The following PRKN variants were observed in gnomAD, a reference collection of about 807,000 sequenced individuals.
The protein encoded by PRKN is E3 ubiquitin-protein ligase parkin.
In PRKN, 56 loss-of-function variants were observed where a neutral mutation model predicts 59.5. The observed-to-expected ratio is 0.94, with a 90% confidence interval of 0.76 to 1.18. The LOEUF (loss-of-function observed/expected upper bound fraction) is 1.18, where lower values mean the gene tolerates loss of function less well. Ranked by LOEUF, PRKN falls within the 50% of genes most tolerant of loss-of-function variation. The pLI, the probability that PRKN is intolerant of heterozygous loss-of-function variation, is 0.00. For synonymous variants in PRKN, 250 were observed against 222.1 expected (o/e 1.13, Z -1.12); for missense variants, 657 against 596.4 (o/e 1.10, Z -1.06).
rs141211369 is a variant in PRKN, at chr6:162,441,427, A to G, written c.171+1883T>C. The stretch of plus-strand genomic sequence containing the variant: ...CCTATTCCTCCATCTACAGAATCCT[A>G]CCTCAACTCAATTCATCCAAGAAGT... On this transcript the variant is annotated intron_variant, in intron 2 of 11. Coordinates refer to ENST00000366898, the MANE Select transcript of PRKN (RefSeq NM_004562.3). Among the ~76,000 whole-genome samples, 255 of 152,240 alleles carry G rather than the reference A, an allele frequency of 1.7e-3. 1 individual carries two copies. Among genetic ancestry groups the G allele is most frequent in the African/African-American group, 5.8e-3 (243 of 41,540 alleles).
At chr6:162,042,115 ATATTTGCTT>A (rs1784088736) in intron 5 of PRKN, among the ~76,000 whole-genome samples, 1 of 152,010 alleles carries the variant, frequency 6.6e-6, no homozygotes, top group Admixed American at 6.6e-5. Flanking sequence ...TTCTCCATTT[ATATTTGCTT>A]TTATTTGAAT....
intron 4 of PRKN, among the ~76,000 whole-genome samples, chr6:162,197,346 T>C (rs925187018): frequency 1.3e-5 from 2 of 152,182 alleles, no homozygotes; most frequent in Non-Finnish European, 2.9e-5. Flanking sequence ...TATTGAAAAA[T>C]TGAAACATCT....
rs1777630650 is a variant in PRKN at position 162,687,881 on chromosome 6, A to G, written c.7+39781T>C. Among the ~76,000 whole-genome samples, 2 of 152,204 alleles carry G rather than the reference A, an allele frequency of 1.3e-5. 1 individual carries two copies. The highest frequency in any genetic ancestry group is 4.1e-4 in the South Asian group (2 of 4,830). ...TTACAAACTCCAGCAACAAGTAACT[A>G]TGAATATTAAGATCTTAATTTACAC... On this transcript the variant is annotated intron_variant, in intron 1 of 11. Coordinates refer to ENST00000366898, the MANE Select transcript of PRKN (RefSeq NM_004562.3).
At chr6:162,257,410 G>C (rs1460785548) in intron 3 of PRKN, among the ~76,000 whole-genome samples, 1 of 151,960 alleles carries the variant, frequency 6.6e-6, no homozygotes, top group Non-Finnish European at 1.5e-5. Flanking sequence ...TCTTCAAAAA[G>C]GTCCATTTTA....
rs1780658855 is a variant in PRKN, at chr6:161,566,793, C to T, written c.933+2562G>A. 1.3e-5 allele frequency among the ~76,000 whole-genome samples: 2 copies of T among 152,164 alleles called. No individual in the cohort carries two copies. The highest frequency in any genetic ancestry group is 4.8e-5 in the African/African-American group (2 of 41,440). Reference sequence around the variant, plus strand: ...CTCTGTCCTCCTCCCCTCCCCTCCACCAGTCACACTTGTTTCTGGACTATT... The same window carrying T: ...CTCTGTCCTCCTCCCCTCCCCTCCATCAGTCACACTTGTTTCTGGACTATT... On this transcript the variant is annotated intron_variant, in intron 8 of 11. Coordinates refer to ENST00000366898, the MANE Select transcript of PRKN (RefSeq NM_004562.3). The surrounding 1 kb of genome is among the most constrained non-coding windows in gnomAD (Gnocchi z 4.1).
chr6:161,849,043 A>T (rs1306315654), intron 6 of PRKN, among the ~76,000 whole-genome samples: 1 of 152,206 alleles, frequency 6.6e-6, no homozygotes, highest in Non-Finnish European at 1.5e-5. Context: ...CCCTCGAGGC[A>T]GTTCCAGATG....
intron 2 of PRKN, chr6:162,275,055 TG>T (rs1780569164): frequency 8.0e-6 from 1 of 125,352 alleles, no homozygotes; most frequent in East Asian, 2.7e-4. Context: ...CACTCCAGTC[TG>T]GGCGACAGAG....
chr6:162,324,080 C>T (rs564887365), intron 2 of PRKN, among the ~76,000 whole-genome samples: 2 of 151,834 alleles, frequency 1.3e-5, no homozygotes, highest in South Asian at 2.1e-4. Flanking sequence ...AGATTTACCA[C>T]AGTGTTTACC....
intron 6 of PRKN, among the ~76,000 whole-genome samples, chr6:161,852,548 T>C (rs553858102): frequency 6.6e-6 from 1 of 152,218 alleles, no homozygotes; most frequent in East Asian, 1.9e-4. Flanking sequence ...AATGTTAGGA[T>C]TTCAAGGTAG....
intron 6 of PRKN, among the ~76,000 whole-genome samples, chr6:161,878,229 A>C (rs536776467): frequency 6.6e-6 from 1 of 152,216 alleles, no homozygotes; most frequent in Non-Finnish European, 1.5e-5. Flanking sequence ...GAAAGAAATA[A>C]ATTTTTAAAA....
intron 1 of PRKN, among the ~76,000 whole-genome samples, chr6:162,633,581 G>A (rs970501261): frequency 2.6e-5 from 4 of 151,872 alleles, no homozygotes; most frequent in East Asian, 3.9e-4. Context: ...TTTTCTAGTT[G>A]AGAAATCATG....
chr6:161,881,551 G>A (rs1323686672), intron 6 of PRKN, among the ~76,000 whole-genome samples: 1 of 152,180 alleles, frequency 6.6e-6, no homozygotes, highest in Non-Finnish European at 1.5e-5. Context: ...AAGGGGCCAG[G>A]ACAAATGGGA....
chr6:162,566,989 C>T (rs568307356), intron 1 of PRKN, among the ~76,000 whole-genome samples: 43 of 152,224 alleles, frequency 2.8e-4, no homozygotes, highest in African/African-American at 1.0e-3. Flanking sequence ...TACATCATAT[C>T]AACAGAATGA....
At chr6:162,261,443 AGGT>A (rs1779881262) in intron 3 of PRKN, among the ~76,000 whole-genome samples, 1 of 152,170 alleles carries the variant, frequency 6.6e-6, no homozygotes, top group Non-Finnish European at 1.5e-5. Flanking sequence ...TATTCTCTAG[AGGT>A]GTCAGTGTCA....
chr6:162,591,466 T>A (rs983422234), intron 1 of PRKN, among the ~76,000 whole-genome samples: 3 of 152,174 alleles, frequency 2.0e-5, no homozygotes, highest in African/African-American at 7.2e-5. Flanking sequence ...TCAGGGTATT[T>A]AGGACATCTA....
At chr6:161,762,541 A>G (rs1348681372) in intron 7 of PRKN, among the ~76,000 whole-genome samples, 1 of 152,210 alleles carries the variant, frequency 6.6e-6, no homozygotes, top group African/African-American at 2.4e-5. Flanking sequence ...TGCCTGAACT[A>G]ATATTGTATC....
chr6:161,962,853 T>A (rs1273733899), intron 6 of PRKN, among the ~76,000 whole-genome samples: 1 of 150,848 alleles, frequency 6.6e-6, no homozygotes, highest in Non-Finnish European at 1.5e-5. Flanking sequence ...TTTCTTAATA[T>A]CCACCAACAG....
intron 6 of PRKN, among the ~76,000 whole-genome samples, chr6:161,852,636 T>C (rs1464202982): frequency 1.3e-5 from 2 of 152,128 alleles, no homozygotes; most frequent in Admixed American, 1.3e-4. Flanking sequence ...TTATAATGAA[T>C]AGAAAAGCAA....
At chr6:161,607,407 G>T (rs1782321842) in intron 7 of PRKN, among the ~76,000 whole-genome samples, 1 of 152,020 alleles carries the variant, frequency 6.6e-6, no homozygotes, top group Non-Finnish European at 1.5e-5. Context: ...AACAATTTAG[G>T]GAAGAGTAGA....
Sources: gnomAD v4.1 joint callset for allele counts (sites outside exome capture counted in the v4.1 genomes callset) on GRCh38, gnomAD v4.1.1 for gene constraint, Gnocchi (gnomAD v3.1) non-coding constraint, MANE v1.5 for transcripts, NCBI Gene and HGNC (gene_info 2026-07-23, HGNC 2026-07-21) for gene names.